The following ZCWPW2 variants were observed in gnomAD, a reference collection of about 807,000 sequenced individuals.
ZCWPW2 encodes the protein zinc finger CW-type and PWWP domain containing 2.
ZCWPW2 carries 45 observed loss-of-function variants against 46.6 expected under a neutral mutation model. The observed-to-expected ratio is 0.96, with a 90% CI of 0.76 to 1.24. ZCWPW2 has a LOEUF of 1.24. Among genes scored for constraint, ZCWPW2 ranks in the 50% most tolerant of loss-of-function variants. The probability of loss-of-function intolerance (pLI) is 0.00; values close to 1 mark genes in which losing one functional copy is unlikely to be tolerated. For synonymous variants in ZCWPW2, 152 were observed against 137.1 expected (o/e 1.11, Z -0.76); for missense variants, 429 against 403.9 (o/e 1.06, Z -0.53).
chr3:28,370,328 C>A (rs1307562915), intron 1 of ZCWPW2, among the ~76,000 whole-genome samples: 1 of 152,158 alleles, frequency 6.6e-6, no homozygotes, highest in African/African-American at 2.4e-5. Flanking sequence ...TGTCGCATAA[C>A]AACCCTAAAC....
rs1414461890 is a variant in ZCWPW2 at position 28,515,600 on chromosome 3, G to A, written c.763G>A (p.Ala255Thr). ...TTTTGAAAATGTTTATTCTGATGAT[G>A]CCTTATCAAAGGAGAACAGGGGTAT... is the stretch of plus-strand genomic sequence containing the variant. Reference protein sequence around the residue: ...CSFENVYSDDALSKENRVVCE... With the variant: ...CSFENVYSDDTLSKENRVVCE... Residue 255 changes from alanine to threonine, a missense_variant, in exon 8 of 10, where the codon GCC (alanine) becomes ACC (threonine). Ala to Thr is a moderately conservative substitution (Grantham distance 58). Transcript: ENST00000383768. 1 of 1,605,650 alleles carries A rather than the reference G, an allele frequency of 6.2e-7. No individual in the cohort carries two copies. The highest frequency in any genetic ancestry group is 2.2e-5 in the East Asian group (1 of 44,694).
chr3:28,409,919 A>T (rs1280949955), intron 2 of ZCWPW2, among the ~76,000 whole-genome samples: 1 of 152,132 alleles, frequency 6.6e-6, no homozygotes, highest in Admixed American at 6.6e-5. Flanking sequence ...TAAAAATGCA[A>T]ATCCCAACTA....
At chr3:28,496,063 G>A (rs2125820460) in intron 6 of ZCWPW2, among the ~76,000 whole-genome samples, 1 of 152,132 alleles carries the variant, frequency 6.6e-6, no homozygotes, top group South Asian at 2.1e-4. Flanking sequence ...GAGAAGGCTT[G>A]TTATAGAGAG....
At chr3:28,424,272 G>A (rs1179074643) in intron 3 of ZCWPW2, among the ~76,000 whole-genome samples, 1 of 131,444 alleles carries the variant, frequency 7.6e-6, no homozygotes, top group Non-Finnish European at 1.6e-5. Flanking sequence ...CACACACAGA[G>A]CCTTTAAATC....
chr3:28,428,358 C>T (rs912117591), intron 3 of ZCWPW2: 10 of 152,086 alleles, frequency 6.6e-5, no homozygotes, highest in Non-Finnish European at 1.5e-4. Context: ...GCCAGGTAGT[C>T]CTCTACCTGT....
At chr3:28,515,678 T>C in intron 8 of ZCWPW2, 57 bp downstream of exon 8, 2 of 1,486,990 alleles carry the variant, frequency 1.3e-6, no homozygotes, top group Non-Finnish European at 1.8e-6. Context: ...TTCCACAGAA[T>C]GTAGTTGTAG....
intron 4 of ZCWPW2, among the ~76,000 whole-genome samples, chr3:28,468,702 A>T (rs745653815): frequency 5.3e-5 from 8 of 152,196 alleles, no homozygotes; most frequent in Non-Finnish European, 1.0e-4. Flanking sequence ...TTTACCCTAG[A>T]ATAGCATATC....
chr3:28,429,327 A>C (rs189857473), intron 3 of ZCWPW2, among the ~76,000 whole-genome samples: 3 of 152,286 alleles, frequency 2.0e-5, no homozygotes, highest in Admixed American at 2.0e-4. Flanking sequence ...TGGAACTTTG[A>C]ACTTGAGAGA....
intron 2 of ZCWPW2, among the ~76,000 whole-genome samples, chr3:28,395,527 A>G (rs1250644243): frequency 6.6e-6 from 1 of 152,164 alleles, no homozygotes; most frequent in Non-Finnish European, 1.5e-5. Context: ...CAACAGACAA[A>G]TGGATAAAGA....
At chr3:28,512,149 G>A (rs894549655) in intron 6 of ZCWPW2, among the ~76,000 whole-genome samples, 2 of 151,490 alleles carry the variant, frequency 1.3e-5, no homozygotes, top group Non-Finnish European at 2.9e-5. Context: ...GGCACCATGG[G>A]CTTTTACAAA....
At chr3:28,407,017 G>A (rs1041668855) in intron 2 of ZCWPW2, among the ~76,000 whole-genome samples, 2 of 151,926 alleles carry the variant, frequency 1.3e-5, no homozygotes, top group Admixed American at 6.6e-5. Context: ...GGTAGGGATT[G>A]CATCTCACTA....
chr3:28,423,262 C>T (rs1272260011), intron 3 of ZCWPW2, among the ~76,000 whole-genome samples: 1 of 151,488 alleles, frequency 6.6e-6, no homozygotes, highest in East Asian at 1.9e-4. Context: ...GATGTTATAT[C>T]CCCACTTTTA....
intron 1 of ZCWPW2, among the ~76,000 whole-genome samples, chr3:28,380,659 T>A (rs1348491190): frequency 6.6e-6 from 1 of 152,010 alleles, no homozygotes; most frequent in Non-Finnish European, 1.5e-5. Context: ...TCTGGAAACA[T>A]GAATGTCACT....
intron 1 of ZCWPW2, among the ~76,000 whole-genome samples, chr3:28,379,004 C>G (rs73825143): frequency 0.011 from 1,678 of 152,288 alleles, 27 homozygotes; most frequent in African/African-American, 0.03. Flanking sequence ...TAGCTGGACA[C>G]TGCCTGAAAA....
At position 28,357,063 on chromosome 3, in the gene ZCWPW2, G is replaced by A. The variant is rs559568761; in HGVS notation, c.-134+7860G>A. On this transcript the variant is annotated intron_variant, in intron 1 of 9. Transcript: ENST00000383768. ...TATTTTTTGCCAATAGTTTCTATAT[G>A]TGCCTATAAAGAAAAAAAAATCCAT... Among the ~76,000 whole-genome samples, 66 of 147,478 alleles carry A rather than the reference G, an allele frequency of 4.5e-4. 1 individual carries two copies. Among genetic ancestry groups the A allele is most frequent in the African/African-American group, 1.5e-3 (62 of 41,042 alleles).
intron 4 of ZCWPW2, among the ~76,000 whole-genome samples, chr3:28,475,013 T>G (rs1226118412): frequency 6.6e-6 from 1 of 151,802 alleles, no homozygotes; most frequent in Admixed American, 6.6e-5. Context: ...TTATTATTTT[T>G]TTTATTTTTT....
At chr3:28,350,602 A>G (rs1344853109) in intron 1 of ZCWPW2, among the ~76,000 whole-genome samples, 1 of 148,918 alleles carries the variant, frequency 6.7e-6, no homozygotes, top group African/African-American at 2.6e-5. Flanking sequence ...CCCCTGCTAG[A>G]TTATGACAAA....
intron 1 of ZCWPW2, among the ~76,000 whole-genome samples, chr3:28,388,179 A>G (rs1695346925): frequency 6.6e-6 from 1 of 152,158 alleles, no homozygotes; most frequent in African/African-American, 2.4e-5. Flanking sequence ...ACATTGTGGA[A>G]GACAACCTGC....
chr3:28,414,761 T>A (rs1267219193), intron 3 of ZCWPW2, among the ~76,000 whole-genome samples: 1 of 63,540 alleles, frequency 1.6e-5, no homozygotes, highest in African/African-American at 6.4e-5. Context: ...TCCAGCTTCA[T>A]CCATATCCCT....
Sources: allele counts gnomAD v4.1 joint callset (sites outside exome capture counted in the v4.1 genomes callset), GRCh38; gene constraint gnomAD v4.1.1; transcripts MANE v1.5; gene names NCBI Gene and HGNC (gene_info 2026-07-23, HGNC 2026-07-21).